ENO4: variants seen among roughly 807,000 people sequenced by gnomAD.
The protein encoded by ENO4 is enolase 4.
In ENO4, 53 loss-of-function variants were observed where a neutral mutation model predicts 63.2. The observed-to-expected ratio is 0.84, with a 90% CI of 0.67 to 1.05. The LOEUF is 1.05. Ranked by LOEUF, ENO4 falls within the 50% of genes least tolerant of loss-of-function variation. ENO4 has a pLI of 0.00. For missense variants in ENO4, 719 were observed against 772.0 expected (o/e 0.93, Z 0.81); for synonymous variants, 266 against 283.8 (o/e 0.94, Z 0.63).
chr10:116,898,590 G>GT (rs1203506552), intron 10 of ENO4, among the ~76,000 whole-genome samples: 1 of 152,088 alleles, frequency 6.6e-6, no homozygotes, highest in Non-Finnish European at 1.5e-5. Context: ...CACATTCACT[G>GT]TGAGATTTAA....
At chr10:116,878,766 G>A (rs1209171764) in intron 11 of ENO4, among the ~76,000 whole-genome samples, 4 of 108,868 alleles carry the variant, frequency 3.7e-5, no homozygotes, top group South Asian at 3.3e-4. Context: ...TTTTTGAGAC[G>A]GAGTCTTGCT....
At chr10:116,860,093 G>A (rs984169906) in intron 4 of ENO4, among the ~76,000 whole-genome samples, 11 of 152,212 alleles carry the variant, frequency 7.2e-5, no homozygotes, top group African/African-American at 7.2e-5. Flanking sequence ...TTTGCTAAGC[G>A]CTCATTAAGC....
intron 1 of ENO4, 118 bp downstream of exon 1, chr10:116,849,849 C>A (rs1327189677): frequency 2.5e-6 from 3 of 1,192,132 alleles, no homozygotes; most frequent in Non-Finnish European, 3.6e-6. Flanking sequence ...CCGCCCGGGC[C>A]CTGGGCCTGC....
At chr10:116,862,991 C>G (rs1470319843) in intron 7 of ENO4, 139 bp downstream of exon 7, 1 of 654,438 alleles carries the variant, frequency 1.5e-6, no homozygotes. Context: ...CCCCCAAGAA[C>G]CAAGTGTATC....
At chr10:116,894,096 T>G (rs9421254) in intron 10 of ENO4, among the ~76,000 whole-genome samples, 25 of 152,292 alleles carry the variant, frequency 1.6e-4, no homozygotes, top group African/African-American at 5.8e-4. Context: ...TTTTTTTTCT[T>G]TCATGGAAAT....
rs1381405854 is a variant in ENO4, at chr10:116,881,750, A to G, written c.*81A>G. On this transcript the variant is annotated 3_prime_UTR_variant, in exon 14 of 14. Coordinates refer to ENST00000341276, the MANE Select transcript of ENO4 (RefSeq NM_001242699.2). ...CTGAAGTACGGCGCCGTGTCTCCAC[A>G]TGGAGTTTCCTCTTCAACTTCACCA... is the stretch of plus-strand genomic sequence containing the variant. The G allele has an allele frequency of 1.8e-6, 2 of 1,111,264 alleles. No homozygotes were observed. The highest frequency in any genetic ancestry group is 1.2e-6 in the Non-Finnish European group (1 of 847,680). 68.8% of individuals were successfully genotyped at this position (1,111,264 alleles called of 1,614,324 possible). A position where few individuals can be genotyped will look rare whatever the true frequency, so the allele number is the denominator to read the frequency against.
chr10:116,873,552 C>T (rs968458139), intron 9 of ENO4, among the ~76,000 whole-genome samples: 1 of 152,158 alleles, frequency 6.6e-6, no homozygotes, highest in Admixed American at 6.5e-5. Flanking sequence ...ACATGCTACC[C>T]AAGAAAGAAA....
intron 1 of ENO4, among the ~76,000 whole-genome samples, chr10:116,854,646 A>T (rs939643187): frequency 5.3e-5 from 8 of 151,568 alleles, no homozygotes; most frequent in African/African-American, 1.5e-4. Flanking sequence ...TGGTTTCTGT[A>T]TCTTGAAACA....
rs186461606 is a variant in ENO4, at chr10:116,856,806, G to A, written c.485+124G>A. 7.8e-6 allele frequency: 6 copies of A among 768,218 alleles called. No homozygotes were observed. The Admixed American group carries it at 1.1e-4, about 14-fold the overall frequency. 47.6% of individuals were successfully genotyped at this position (768,218 alleles called of 1,614,324 possible). A position where few individuals can be genotyped will look rare whatever the true frequency, so the allele number is the denominator to read the frequency against. On this transcript the variant is annotated intron_variant, in intron 3 of 13. Coordinates refer to ENST00000341276, the MANE Select transcript of ENO4 (RefSeq NM_001242699.2). ...CACGAGGTCAGGAGGTCGAGACCAC[G>A]GTGAAACCCAGTCTCTACTCAAAAT...
chr10:116,907,262 C>T (rs1196934598), intron 10 of ENO4, among the ~76,000 whole-genome samples: 1 of 152,124 alleles, frequency 6.6e-6, no homozygotes. Context: ...ATAATGCTCT[C>T]CAGGGGCCGA....
At chr10:116,910,709 C>T (rs1016128442) in intron 10 of ENO4, among the ~76,000 whole-genome samples, 1 of 152,182 alleles carries the variant, frequency 6.6e-6, no homozygotes, top group Non-Finnish European at 1.5e-5. Flanking sequence ...ACAAAAGAGA[C>T]TGTCATAGGG....
At chr10:116,863,277 T>C (rs755093273) in intron 7 of ENO4, among the ~76,000 whole-genome samples, 2 of 151,706 alleles carry the variant, frequency 1.3e-5, no homozygotes, top group Non-Finnish European at 2.9e-5. Flanking sequence ...AGTTGTCCCA[T>C]CATGTTCTAA....
chr10:116,854,940 CAAAAAAAAAAAAA>C (rs71013620), intron 1 of ENO4, among the ~76,000 whole-genome samples: 1 of 41,524 alleles, frequency 2.4e-5, no homozygotes, highest in African/African-American at 1.2e-4. Context: ...GACCCTGTCT[CAAAAAAAAAAAAA>C]AAAAAAAAAA....
At chr10:116,900,810 A>G in intron 10 of ENO4, 1 of 985,466 alleles carries the variant, frequency 1.0e-6, no homozygotes, top group Non-Finnish European at 1.2e-6. Context: ...ACACAGTGAA[A>G]TTAGATAAAA....
rs1291583704 is a variant in ENO4, at chr10:116,853,259, C to T, written c.166-2364C>T. The stretch of plus-strand genomic sequence containing the variant: ...GCAGCGAGCCAAGATTGTGCCACTG[C>T]ACTCCAGCCTGGGTGACAGAGTGAG... On this transcript the variant is annotated intron_variant, in intron 1 of 13. Transcript: ENST00000341276. Among the ~76,000 whole-genome samples the T allele has an allele frequency of 2.9e-5, 4 of 136,852 alleles. No homozygotes were observed. In the East Asian group the frequency reaches 9.1e-4, roughly 31 times the overall value. 89.8% of individuals were successfully genotyped at this position (136,852 alleles called of 152,430 possible). A position where few individuals can be genotyped will look rare whatever the true frequency, so the allele number is the denominator to read the frequency against.
At chr10:116,900,863 A>C (rs1273095184) in intron 10 of ENO4, 1 of 985,290 alleles carries the variant, frequency 1.0e-6, no homozygotes, top group African/African-American at 1.7e-5. Context: ...GAAGAGAAAA[A>C]AAAGTTAATA....
At chr10:116,889,725 C>T (rs1314165099) in intron 10 of ENO4, among the ~76,000 whole-genome samples, 1 of 152,222 alleles carries the variant, frequency 6.6e-6, no homozygotes, top group Non-Finnish European at 1.5e-5. Flanking sequence ...CTCCTAGAAA[C>T]AGGAGGCTAC....
chr10:116,893,956 G>C (rs1051745419), intron 10 of ENO4, among the ~76,000 whole-genome samples: 2 of 152,116 alleles, frequency 1.3e-5, no homozygotes, highest in African/African-American at 4.8e-5. Context: ...AAATTAAAAA[G>C]CAGTACTTTC....
intron 7 of ENO4, among the ~76,000 whole-genome samples, chr10:116,867,898 C>T (rs974061844): frequency 6.6e-6 from 1 of 152,206 alleles, no homozygotes; most frequent in African/African-American, 2.4e-5. Flanking sequence ...GATCACATCA[C>T]ATGACTTCCC....
Sources: allele counts gnomAD v4.1 joint callset (sites outside exome capture counted in the v4.1 genomes callset), GRCh38; gene constraint gnomAD v4.1.1; transcripts MANE v1.5; gene names NCBI Gene and HGNC (gene_info 2026-07-23, HGNC 2026-07-21).